The following MICAL3 variants were observed in gnomAD, a reference collection of about 807,000 sequenced individuals.
The protein encoded by MICAL3 is [F-actin]-monooxygenase MICAL3.
Under a neutral mutation model 207.4 loss-of-function variants are expected in MICAL3, and 62 were observed. The observed-to-expected ratio is 0.30, with a 90% CI of 0.24 to 0.37. The LOEUF is 0.37. Ranked by LOEUF, MICAL3 falls within the 10% of genes least tolerant of loss-of-function variation. MICAL3 has a pLI of 1.00. For synonymous variants in MICAL3, 1,077 were observed against 1,069.3 expected, an observed-to-expected ratio of 1.01 and a Z score of -0.14; for missense variants, 2,368 against 2,635.6, an observed-to-expected ratio of 0.90 and a Z score of 2.22.
At chr22:17,888,675 C>T (rs1239937919) in intron 13 of MICAL3, among the ~76,000 whole-genome samples, 10 of 152,158 alleles carry the variant, frequency 6.6e-5, no homozygotes, top group Admixed American at 5.9e-4. Context: ...GATTATAACC[C>T]GTTACAAAGT....
At position 17,976,587 on chromosome 22, in the gene MICAL3, A is replaced by AT. The variant is rs1204825142; in HGVS notation, c.-75+47693dup. 6.5e-3 allele frequency among the ~76,000 whole-genome samples: 521 copies of AT among 80,262 alleles called. 8 individuals carry two copies. Among genetic ancestry groups the AT allele is most frequent in the Admixed American group, 0.025 (128 of 5,206 alleles). The allele number at this position is 80,262 out of a possible 152,430, so 52.7% of individuals were successfully genotyped here. On this transcript the variant is annotated intron_variant, in intron 1 of 31. Transcript: ENST00000441493. ...TATATATATATATATATATATATATATATTTTTTTTTTTTTTTTTTGAGAC... is the reference window on the plus strand; with the variant it reads ...TATATATATATATATATATATATATATTATTTTTTTTTTTTTTTTTTGAGAC...
In MICAL3 at chr22:17,902,117, G is replaced by T; in HGVS notation, c.590-138C>A. ...TATGTGTAGAAGCAGTGGAGACAGA[G>T]GCTGTGCACGGTGGCTCGTGCCTCT... On this transcript the variant is annotated intron_variant, in intron 4 of 31. Coordinates refer to ENST00000441493, the MANE Select transcript of MICAL3 (RefSeq NM_015241.3). This position sits in a 1 kb window ranked among gnomAD's most constrained non-coding sequence, Gnocchi z 4.5. 1 of 636,416 alleles carries T rather than the reference G, an allele frequency of 1.6e-6. No homozygotes were observed. Among genetic ancestry groups the T allele is most frequent in the East Asian group, 2.7e-5 (1 of 36,376 alleles). The allele number at this position is 636,416 out of a possible 1,614,324, so 39.4% of individuals were successfully genotyped here.
intron 19 of MICAL3, chr22:17,861,447 G>A: frequency 6.1e-6 from 6 of 985,406 alleles, no homozygotes; most frequent in Non-Finnish European, 7.2e-6. Flanking sequence ...AGCACTCGGG[G>A]AAAAAGCTCT....
At chr22:17,941,467 T>TGCCACTGGGAAGAGA (rs1315282727) in intron 1 of MICAL3, among the ~76,000 whole-genome samples, 7 of 152,172 alleles carry the variant, frequency 4.6e-5, no homozygotes, top group African/African-American at 1.7e-4. Flanking sequence ...CAGGAGACCC[T>TGCCACTGGGAAGAGA]GCCACTGGGT....
intron 1 of MICAL3, among the ~76,000 whole-genome samples, chr22:17,994,132 G>A (rs1483376427): frequency 6.6e-6 from 1 of 152,144 alleles, no homozygotes. Flanking sequence ...GCTCATCAGC[G>A]CCAGGTGCTG....
At chr22:17,931,546 A>G (rs1159031560) in intron 1 of MICAL3, among the ~76,000 whole-genome samples, 3 of 152,212 alleles carry the variant, frequency 2.0e-5, no homozygotes, top group Admixed American at 2.0e-4. Flanking sequence ...TCCCTGGCAA[A>G]CTACCAGCAA....
At chr22:17,811,752 A>G (rs965321264) in intron 27 of MICAL3, among the ~76,000 whole-genome samples, 7 of 152,166 alleles carry the variant, frequency 4.6e-5, no homozygotes, top group Admixed American at 2.6e-4. Flanking sequence ...AGACTATATA[A>G]AAGTTCTTTT....
rs1226070256 is a variant in MICAL3 at position 17,810,976 on chromosome 22, C to CG, written c.5446-164dup. On this transcript the variant is annotated intron_variant, in intron 27 of 31. Transcript: ENST00000441493. The stretch of plus-strand genomic sequence containing the variant: ...TCTGTAGAGTAGAGTGCTAGCAGGA[C>CG]GGGGGTGCTGATAGGCAGAAGGCAT... 5.1e-6 allele frequency: 3 copies of CG among 591,874 alleles called. No homozygotes were observed. In the African/African-American group the frequency reaches 5.6e-5, roughly 11 times the overall value. 36.7% of individuals were successfully genotyped at this position (591,874 alleles called of 1,614,324 possible).
chr22:17,985,825 C>G (rs1180047272), intron 1 of MICAL3, among the ~76,000 whole-genome samples: 1 of 152,162 alleles, frequency 6.6e-6, no homozygotes, highest in Admixed American at 6.5e-5. Flanking sequence ...CACCTTCTCT[C>G]AGGCCCAGCC....
chr22:17,933,124 A>T lies in MICAL3; in HGVS notation c.-74-26238T>A, dbSNP rs543209757. Among the ~76,000 whole-genome samples, 131 of 152,348 alleles carry T rather than the reference A, an allele frequency of 8.6e-4. 2 individuals carry two copies. Among genetic ancestry groups the T allele is most frequent in the African/African-American group, 3.0e-3 (124 of 41,580 alleles). Reference sequence around the variant, plus strand: ...CTCGGCTCTGCACCAAGCAGACCTAATAGACATCTACAGAACTCTCCACCC... The same window carrying T: ...CTCGGCTCTGCACCAAGCAGACCTATTAGACATCTACAGAACTCTCCACCC... On this transcript the variant is annotated intron_variant, in intron 1 of 31. Coordinates refer to ENST00000441493, the MANE Select transcript of MICAL3 (RefSeq NM_015241.3).
chr22:17,851,393 C>T (rs1925322797), intron 19 of MICAL3, among the ~76,000 whole-genome samples: 2 of 152,188 alleles, frequency 1.3e-5, no homozygotes, highest in Admixed American at 6.5e-5. Context: ...TAGGGCATCT[C>T]TCCCCTTCTG....
At chr22:17,860,579 C>G in intron 19 of MICAL3, 1 of 985,488 alleles carries the variant, frequency 1.0e-6, no homozygotes, top group Non-Finnish European at 1.2e-6. Context: ...CAGTGTCTTG[C>G]AGAAAAGAGC....
At position 17,790,715 on chromosome 22, in the gene MICAL3, G is replaced by A. The variant is rs531258964; in HGVS notation, c.*17C>T. On this transcript the variant is annotated 3_prime_UTR_variant, in exon 32 of 32. Transcript: ENST00000441493. The stretch of plus-strand genomic sequence containing the variant: ...GCCAGGCGGATGCCAACAGAAAATG[G>A]AGCGTTGGGTGGGAGCTCAGGACCA... 4.5e-6 allele frequency: 7 copies of A among 1,572,630 alleles called. No individual in the cohort carries two copies. Among genetic ancestry groups the A allele is most frequent in the East Asian group, 2.3e-5 (1 of 42,634 alleles).
rs528245475 is a variant in MICAL3 at position 17,923,350 on chromosome 22, C to T, written c.-74-16464G>A. ...AGTTGCCAAAAACCAACTGCCATGA[C>T]CTCTCTGGGCTCCAAAATTCCAACT... On this transcript the variant is annotated intron_variant, in intron 1 of 31. Coordinates refer to ENST00000441493, the MANE Select transcript of MICAL3 (RefSeq NM_015241.3). 4.6e-4 allele frequency among the ~76,000 whole-genome samples: 70 copies of T among 152,358 alleles called. 1 individual carries two copies. In the South Asian group the frequency reaches 0.014, roughly 30 times the overall value.
At chr22:17,905,516 T>C (rs1434606116) in intron 2 of MICAL3, among the ~76,000 whole-genome samples, 7 of 152,236 alleles carry the variant, frequency 4.6e-5, no homozygotes, top group African/African-American at 2.4e-5. Context: ...TTTTGTTTTG[T>C]TCTTAGTGGA....
At position 17,889,107 on chromosome 22, in the gene MICAL3, C is replaced by T. The variant is rs1316363526; in HGVS notation, c.1818G>A (p.Glu606=). ...MTGKEMASVG[E]PDKLSMVMYL... is the part of the protein sequence containing the mutation. The stretch of plus-strand genomic sequence containing the variant: ...ACATCACCATGGACAGCTTATCAGG[C>T]TCCCCCACGGAGGCCATTTCTTTGC... The change falls in exon 13 of 32, where the codon GAG becomes GAA. Residue 606 remains glutamate (E), a synonymous_variant. Coordinates refer to ENST00000441493, the MANE Select transcript of MICAL3 (RefSeq NM_015241.3). 9 of 1,613,828 alleles carry T rather than the reference C, an allele frequency of 5.6e-6. No individual in the cohort carries two copies. The East Asian group carries it at 1.3e-4, about 24-fold the overall frequency.
intron 16 of MICAL3, among the ~76,000 whole-genome samples, chr22:17,877,464 A>C (rs112947325): frequency 4.8e-4 from 13 of 27,144 alleles, no homozygotes; most frequent in Admixed American, 3.3e-3. Context: ...GGTTAGGGAG[A>C]TTATGGAGGT....
At chr22:17,856,662 C>G (rs941266802) in intron 19 of MICAL3, among the ~76,000 whole-genome samples, 2 of 143,774 alleles carry the variant, frequency 1.4e-5, no homozygotes, top group Non-Finnish European at 3.0e-5. Flanking sequence ...TCGCCCAGGC[C>G]GGACTGCGGA....
Position 17,790,356 on chromosome 22 carries a change from C to T in MICAL3, c.*376G>A, listed in dbSNP as rs887935256. 1.4e-4 allele frequency: 31 copies of T among 219,336 alleles called. No individual in the cohort carries two copies. The highest frequency in any genetic ancestry group is 1.7e-3 in the Middle Eastern group (1 of 584). 13.6% of individuals were successfully genotyped at this position (219,336 alleles called of 1,614,324 possible). ...CATGAAGAAGACAGTGCCCCTCGCACGGCGCACTGTGGTTCTGACGGGGAG... is the reference window on the plus strand; with the variant it reads ...CATGAAGAAGACAGTGCCCCTCGCATGGCGCACTGTGGTTCTGACGGGGAG... On this transcript the variant is annotated 3_prime_UTR_variant, in exon 32 of 32. Transcript: ENST00000441493.
Sources: allele counts gnomAD v4.1 joint callset (sites outside exome capture counted in the v4.1 genomes callset), GRCh38; gene constraint gnomAD v4.1.1; non-coding constraint Gnocchi (gnomAD v3.1); transcripts MANE v1.5; gene names NCBI Gene and HGNC (gene_info 2026-07-23, HGNC 2026-07-21).